CDK14: variants seen among roughly 807,000 people sequenced by gnomAD.
CDK14 encodes cyclin-dependent kinase 14.
In CDK14, 34 loss-of-function variants were observed where a neutral mutation model predicts 60.7. The observed-to-expected ratio is 0.56, with a 90% confidence interval of 0.43 to 0.75. The LOEUF (loss-of-function observed/expected upper bound fraction) is 0.75. Among genes scored for constraint, CDK14 ranks in the 30% least tolerant of loss-of-function variants. CDK14 has a pLI of 0.00. For synonymous variants in CDK14, 197 were observed against 203.7 expected (o/e 0.97, Z 0.28); for missense variants, 482 against 564.1 (o/e 0.85, Z 1.47).
At chr7:90,895,439 TCCTCCCCTCCCCTCCCCTCC>T (rs1332591349) in intron 6 of CDK14, among the ~76,000 whole-genome samples, 1 of 12,314 alleles carries the variant, frequency 8.1e-5, no homozygotes, top group Non-Finnish European at 1.4e-4. Context: ...TCCTCTCCTC[TCCTCCCCTCCCCTCCCCTCC>T]CCTCCCCTCT....
intron 3 of CDK14, among the ~76,000 whole-genome samples, chr7:90,734,233 C>T (rs1802993062): frequency 6.6e-6 from 1 of 152,068 alleles, no homozygotes; most frequent in South Asian, 2.1e-4. Context: ...TCTCTGGCTG[C>T]CCTTAGCATT....
intron 2 of CDK14, among the ~76,000 whole-genome samples, chr7:90,715,713 A>G (rs1027125961): frequency 3.4e-5 from 5 of 148,644 alleles, no homozygotes; most frequent in Non-Finnish European, 7.4e-5. Flanking sequence ...TGTCTTGATG[A>G]AGAAACTAAT....
chr7:90,893,139 G>A (rs956336009), intron 6 of CDK14, among the ~76,000 whole-genome samples: 4 of 152,060 alleles, frequency 2.6e-5, no homozygotes, highest in African/African-American at 9.7e-5. Context: ...TCTAAGTCAA[G>A]CCACACTTGA....
At chr7:91,105,919 T>C (rs1301165551) in intron 12 of CDK14, among the ~76,000 whole-genome samples, 1 of 152,188 alleles carries the variant, frequency 6.6e-6, no homozygotes, top group Non-Finnish European at 1.5e-5. Flanking sequence ...GCATATTAGA[T>C]GCAATTGATT....
intron 2 of CDK14, chr7:90,608,502 A>C (rs1003972493): frequency 1.0e-6 from 1 of 955,172 alleles, no homozygotes; most frequent in African/African-American, 1.8e-5. Context: ...TAACTCATGC[A>C]GTTCTGCTTT....
chr7:90,976,070 A>G lies in CDK14; in HGVS notation c.948-8078A>G, dbSNP rs538892294. Among the ~76,000 whole-genome samples, 11 of 152,290 alleles carry G rather than the reference A, an allele frequency of 7.2e-5. No individual in the cohort carries two copies. The East Asian group carries it at 2.1e-3, about 29-fold the overall frequency. ...ATAAATTCCCAGTAGTGGGATGGCTAGCTCATATGGTAGTTCTATTTGTAG... is the reference window on the plus strand; with the variant it reads ...ATAAATTCCCAGTAGTGGGATGGCTGGCTCATATGGTAGTTCTATTTGTAG... On this transcript the variant is annotated intron_variant, in intron 9 of 14. Coordinates refer to ENST00000380050, the MANE Select transcript of CDK14 (RefSeq NM_001287135.2).
chr7:90,715,000 ATGGT>A (rs1802196088), intron 2 of CDK14, among the ~76,000 whole-genome samples: 1 of 152,056 alleles, frequency 6.6e-6, no homozygotes, highest in East Asian at 1.9e-4. Flanking sequence ...CGCTGTTCAT[ATGGT>A]TACTGGGGGA....
chr7:91,182,909 A>G (rs1044472938), intron 14 of CDK14, among the ~76,000 whole-genome samples: 36 of 152,164 alleles, frequency 2.4e-4, no homozygotes, highest in African/African-American at 7.7e-4. Flanking sequence ...TGAGGAATAA[A>G]TTTTTCACCA....
intron 6 of CDK14, among the ~76,000 whole-genome samples, chr7:90,886,990 A>G (rs1791965337): frequency 6.6e-6 from 1 of 152,118 alleles, no homozygotes; most frequent in African/African-American, 2.4e-5. Flanking sequence ...GGAATTTGAC[A>G]TTTGCTCATA....
At chr7:90,750,519 A>G (rs1803795201) in intron 4 of CDK14, among the ~76,000 whole-genome samples, 1 of 152,372 alleles carries the variant, frequency 6.6e-6, no homozygotes, top group African/African-American at 2.4e-5. Flanking sequence ...AAGGAGATAT[A>G]ACATCTTAAA....
intron 3 of CDK14, among the ~76,000 whole-genome samples, chr7:90,743,131 G>T (rs1803420495): frequency 6.6e-6 from 1 of 152,030 alleles, no homozygotes; most frequent in Admixed American, 6.5e-5. Flanking sequence ...TCAGATTTTT[G>T]GAACATTTTG....
chr7:91,019,250 G>C (rs1796379184), intron 10 of CDK14, among the ~76,000 whole-genome samples: 2 of 152,126 alleles, frequency 1.3e-5, no homozygotes, highest in Admixed American at 1.3e-4. Flanking sequence ...TGGTAGACTG[G>C]CTTGCTCCTG....
At chr7:90,765,035 A>G (rs1457292709) in intron 4 of CDK14, among the ~76,000 whole-genome samples, 2 of 152,242 alleles carry the variant, frequency 1.3e-5, no homozygotes, top group African/African-American at 2.4e-5. Flanking sequence ...CAGCATAGGT[A>G]TTGAAAGACA....
chr7:91,147,255 G>A (rs1413084730), intron 14 of CDK14, among the ~76,000 whole-genome samples: 1 of 151,052 alleles, frequency 6.6e-6, no homozygotes, highest in Non-Finnish European at 1.5e-5. Context: ...AGGCAGATGT[G>A]TCCTGCAAGA....
At chr7:90,758,244 CTCTG>C (rs1286082049) in intron 4 of CDK14, among the ~76,000 whole-genome samples, 1 of 152,036 alleles carries the variant, frequency 6.6e-6, no homozygotes, top group Non-Finnish European at 1.5e-5. Flanking sequence ...CTGTCTCTCT[CTCTG>C]TCTTTGTCTT....
intron 9 of CDK14, among the ~76,000 whole-genome samples, chr7:90,965,918 A>T (rs1404328331): frequency 6.6e-6 from 1 of 152,032 alleles, no homozygotes; most frequent in African/African-American, 2.4e-5. Context: ...GTGCCCTCTC[A>T]TACTTCCTCC....
At chr7:90,759,228 C>T (rs1215647677) in intron 4 of CDK14, among the ~76,000 whole-genome samples, 1 of 152,148 alleles carries the variant, frequency 6.6e-6, no homozygotes, top group African/African-American at 2.4e-5. Context: ...AAGCTTCCCT[C>T]ATCACTATGT....
chr7:91,169,835 C>T (rs1168530321), intron 14 of CDK14, among the ~76,000 whole-genome samples: 13 of 152,250 alleles, frequency 8.5e-5, no homozygotes, highest in Non-Finnish European at 1.5e-4. Flanking sequence ...GCATGACTAC[C>T]GTCCTAAGTA....
At chr7:90,823,377 C>G (rs17163263) in intron 5 of CDK14, among the ~76,000 whole-genome samples, 22,156 of 152,040 alleles carry the variant, frequency 0.15, 1,801 homozygotes, top group Middle Eastern at 0.25. Flanking sequence ...AAATAATTTC[C>G]CATTGAATCT....
Sources: allele counts gnomAD v4.1 joint callset (sites outside exome capture counted in the v4.1 genomes callset), GRCh38; gene constraint gnomAD v4.1.1; transcripts MANE v1.5; gene names NCBI Gene and HGNC (gene_info 2026-07-23, HGNC 2026-07-21).